The following STRADB variants were observed in gnomAD, a reference collection of about 807,000 sequenced individuals.
STRADB encodes the protein STE20-related kinase adapter protein beta.
STRADB carries 34 observed loss-of-function variants against 52.1 expected under a neutral mutation model. The ratio of observed to expected loss-of-function variants is 0.65; its 90% CI spans 0.50 to 0.87. The LOEUF is 0.87. STRADB is among the 40% of genes least tolerant of loss of function. The pLI is 0.00. For synonymous variants in STRADB, 133 were observed against 174.5 expected (o/e 0.76, Z 1.87); for missense variants, 340 against 483.9 (o/e 0.70, Z 2.79).
In STRADB at chr2:201,475,745, A is replaced by ATTTACTTAT; in HGVS notation, c.548+6_548+14dup. On this transcript the variant is annotated splice_donor_region_variant and intron_variant, in intron 7 of 11. Transcript: ENST00000194530. ...CACCAAAATGGCTGTATTCACAGGT[A>ATTTACTTAT]TTTACTTATTTGTATTTATTAAATG... 1 of 1,592,208 alleles carries ATTTACTTAT rather than the reference A, an allele frequency of 6.3e-7. No individual in the cohort carries two copies. The highest frequency in any genetic ancestry group is 8.5e-7 in the Non-Finnish European group (1 of 1,173,408).
rs769198689 is a variant in STRADB, at chr2:201,454,870, T to C, written c.12+18T>C. The C allele has an allele frequency of 1.6e-5, 26 of 1,606,902 alleles. No individual in the cohort carries two copies. The highest frequency in any genetic ancestry group is 1.7e-4 in the Middle Eastern group (1 of 6,032). On this transcript the variant is annotated intron_variant, in intron 2 of 11. Transcript: ENST00000194530. ...CTCTTTTGGTAAGTTTTTGTAAATATAGATCTGATTTTGTTCTGTCAGAGT... is the reference window on the plus strand; with the variant it reads ...CTCTTTTGGTAAGTTTTTGTAAATACAGATCTGATTTTGTTCTGTCAGAGT...
Position 201,480,434 on chromosome 2 carries a change from G to A in STRADB, c.*259G>A, listed in dbSNP as rs1022114423. On this transcript the variant is annotated 3_prime_UTR_variant, in exon 12 of 12. Transcript: ENST00000194530. ...ATTCTGGAATTTTTTTCTAAGCTGT[G>A]ACTAACTCTTTTTATCTCTCAATAT... 21 of 1,205,722 alleles carry A rather than the reference G, an allele frequency of 1.7e-5. No individual in the cohort carries two copies. In the Admixed American group the frequency reaches 2.0e-4, roughly 12 times the overall value. The allele number at this position is 1,205,722 out of a possible 1,614,324, so 74.7% of individuals were successfully genotyped here. A position where few individuals can be genotyped will look rare whatever the true frequency, so the allele number is the denominator to read the frequency against.
chr2:201,478,574 T>C lies in STRADB; in HGVS notation c.1043T>C (p.Leu348Pro). 2 of 1,613,938 alleles carry C rather than the reference T, an allele frequency of 1.2e-6. No individual in the cohort carries two copies. The highest frequency in any genetic ancestry group is 1.7e-6 in the Non-Finnish European group (2 of 1,179,986). The change falls in exon 10 of 12, where the codon CTC (leucine) becomes CCC (proline). Residue 348 changes from leucine to proline, a missense_variant. Transcript: ENST00000194530. The part of the protein sequence containing the change: ...FSPAFFSLVQ[L>P]CLQQDPEKRP... ...CCTGCCTTCTTTAGCTTGGTACAGC[T>C]CTGTTTGCAACAAGATCCTGAGAAA... is the stretch of plus-strand genomic sequence containing the variant.
chr2:201,475,876 G>A, intron 7 of STRADB, 134 bp downstream of exon 7: 6 of 899,786 alleles, frequency 6.7e-6, no homozygotes, highest in South Asian at 3.7e-5. Flanking sequence ...AGGGAGGAAG[G>A]GACCATTAGG....
intron 3 of STRADB, among the ~76,000 whole-genome samples, chr2:201,465,723 A>G (rs1003148133): frequency 1.3e-5 from 2 of 152,218 alleles, no homozygotes; most frequent in Non-Finnish European, 2.9e-5. Flanking sequence ...AAGTTTATTT[A>G]GGACCCCAGA....
chr2:201,455,619 T>A (rs1049883348), intron 2 of STRADB, among the ~76,000 whole-genome samples: 1 of 151,588 alleles, frequency 6.6e-6, no homozygotes, highest in Non-Finnish European at 1.5e-5. Context: ...GGTGGGAGGA[T>A]CCCTTGAACA....
chr2:201,479,122 C>A, intron 10 of STRADB: 1 of 185,718 alleles, frequency 5.4e-6, no homozygotes, highest in Non-Finnish European at 1.1e-5. Context: ...TCAGCTGTAT[C>A]ATTTTCTAAC....
rs533503860 is a variant in STRADB at position 201,473,083 on chromosome 2, A to G, written c.315+7A>G. ...ACGCCTGAAAGCTTTACAGGTAACA[A>G]TATGAAGAAAATGATACACAGTTGG... On this transcript the variant is annotated splice_region_variant and intron_variant, in intron 5 of 11. Transcript: ENST00000194530. The G allele has an allele frequency of 7.5e-6, 12 of 1,609,494 alleles. No homozygotes were observed. The Admixed American group carries it at 8.5e-5, about 11-fold the overall frequency.
rs182055817 is a variant in STRADB at position 201,477,763 on chromosome 2, G to A, written c.693G>A (p.Pro231=). 1.3e-4 allele frequency: 211 copies of A among 1,613,196 alleles called. 1 individual carries two copies. In the East Asian group the frequency reaches 3.8e-3, roughly 29 times the overall value. The change falls in exon 8 of 12, where the codon CCG becomes CCA. Residue 231 remains proline, a synonymous_variant. Coordinates refer to ENST00000194530, the MANE Select transcript of STRADB (RefSeq NM_018571.6). The part of the protein sequence containing the change: ...DFPQFSTSVQ[P]WLSPELLRQD... ...CACAGTTCAGCACATCAGTGCAGCC[G>A]TGGCTGAGTCCAGAACTACTGAGAC...
chr2:201,454,998 A>G (rs1952105879), intron 2 of STRADB, 146 bp downstream of exon 2: 2 of 624,194 alleles, frequency 3.2e-6, no homozygotes, highest in East Asian at 2.9e-5. Flanking sequence ...GACTTGAGAA[A>G]TGAATTACAT....
intron 2 of STRADB, among the ~76,000 whole-genome samples, chr2:201,455,565 A>G (rs1165603260): frequency 6.6e-6 from 1 of 152,014 alleles, no homozygotes; most frequent in Non-Finnish European, 1.5e-5. Flanking sequence ...TATTAGCCAG[A>G]CGTAGTGTCA....
At chr2:201,466,152 C>T (rs1952301940) in intron 3 of STRADB, among the ~76,000 whole-genome samples, 1 of 152,120 alleles carries the variant, frequency 6.6e-6, no homozygotes, top group Non-Finnish European at 1.5e-5. Context: ...CCATCTTTAT[C>T]CACCTCCCTC....
chr2:201,466,046 A>AT (rs1435843907), intron 3 of STRADB, among the ~76,000 whole-genome samples: 1 of 152,050 alleles, frequency 6.6e-6, no homozygotes, highest in East Asian at 1.9e-4. Flanking sequence ...AGCTCACCTT[A>AT]TTTTTTATTC....
At chr2:201,464,169 A>C (rs1157752296) in intron 3 of STRADB, among the ~76,000 whole-genome samples, 1 of 152,140 alleles carries the variant, frequency 6.6e-6, no homozygotes, top group Non-Finnish European at 1.5e-5. Flanking sequence ...GGCATTGAAG[A>C]GTTACGTATT....
intron 3 of STRADB, among the ~76,000 whole-genome samples, chr2:201,468,445 G>T (rs2125678246): frequency 6.6e-6 from 1 of 152,152 alleles, no homozygotes; most frequent in South Asian, 2.1e-4. Context: ...TGAAAATTGG[G>T]TCATTGTTTG....
At chr2:201,457,869 C>T (rs1174502767) in intron 2 of STRADB, among the ~76,000 whole-genome samples, 5 of 151,970 alleles carry the variant, frequency 3.3e-5, no homozygotes, top group Non-Finnish European at 7.4e-5. Flanking sequence ...ACTAAAAATA[C>T]AAAAATTAGC....
intron 11 of STRADB, 141 bp downstream of exon 11, chr2:201,479,672 A>G: frequency 1.2e-6 from 1 of 852,134 alleles, no homozygotes; most frequent in South Asian, 1.9e-5. Context: ...AAAACAAGAA[A>G]ACTTTTGGTA....
intron 3 of STRADB, among the ~76,000 whole-genome samples, chr2:201,469,708 G>A (rs1328563481): frequency 6.6e-6 from 1 of 152,162 alleles, no homozygotes; most frequent in African/African-American, 2.4e-5. Flanking sequence ...ATTACACTGG[G>A]AAGTATTCCT....
chr2:201,478,439 A>G lies in STRADB; in HGVS notation c.908A>G (p.Asn303Ser), dbSNP rs1338493440. 1 of 1,614,114 alleles carries G rather than the reference A, an allele frequency of 6.2e-7. No homozygotes were observed. The highest frequency in any genetic ancestry group is 1.3e-5 in the African/African-American group (1 of 75,034). ...IFPQSESRMK[N>S]SQSGVDSGIG... ...CCTCAATCAGAATCCAGAATGAAAAATTCCCAGTCAGGTGTAGACTCTGGG... is the reference window on the plus strand; with the variant it reads ...CCTCAATCAGAATCCAGAATGAAAAGTTCCCAGTCAGGTGTAGACTCTGGG... The change falls in exon 10 of 12, where the codon AAT (asparagine) becomes AGT (serine). Residue 303 changes from asparagine (N) to serine (S), a missense_variant. Coordinates refer to ENST00000194530, the MANE Select transcript of STRADB (RefSeq NM_018571.6).
Sources: gnomAD v4.1 joint callset for allele counts (sites outside exome capture counted in the v4.1 genomes callset) on GRCh38, gnomAD v4.1.1 for gene constraint, MANE v1.5 for transcripts, NCBI Gene and HGNC (gene_info 2026-07-23, HGNC 2026-07-21) for gene names.